The following STK32B variants were observed in gnomAD, a reference collection of about 807,000 sequenced individuals.
The protein encoded by STK32B is serine/threonine kinase 32B.
STK32B carries 43 observed loss-of-function variants against 52.6 expected under a neutral mutation model. The ratio of observed to expected loss-of-function variants is 0.82; its 90% CI spans 0.64 to 1.05. The LOEUF is 1.05. Ranked by LOEUF, STK32B falls within the 50% of genes least tolerant of loss-of-function variation. STK32B has a pLI of 0.00. For synonymous variants in STK32B, 238 were observed against 204.3 expected (o/e 1.17, Z -1.41); for missense variants, 621 against 534.6 (o/e 1.16, Z -1.59).
intron 1 of STK32B, among the ~76,000 whole-genome samples, chr4:5,074,556 G>A (rs571655397): frequency 7.3e-5 from 11 of 151,338 alleles, no homozygotes; most frequent in Non-Finnish European, 1.5e-4. Context: ...TACATATCTA[G>A]TATTTTTCTT....
At chr4:5,448,981 A>G (rs765018523) in intron 7 of STK32B, among the ~76,000 whole-genome samples, 1 of 152,176 alleles carries the variant, frequency 6.6e-6, no homozygotes, top group Non-Finnish European at 1.5e-5. Flanking sequence ...GGAATTCCTC[A>G]GTGATGTCAA....
chr4:5,462,366 G>A (rs1717099951), intron 9 of STK32B, among the ~76,000 whole-genome samples: 1 of 151,548 alleles, frequency 6.6e-6, no homozygotes, highest in Admixed American at 6.6e-5. Context: ...GTGCCTATAT[G>A]TCTGTGTGTG....
intron 7 of STK32B, among the ~76,000 whole-genome samples, chr4:5,448,260 T>A (rs762235079): frequency 6.6e-6 from 1 of 152,220 alleles, no homozygotes; most frequent in Non-Finnish European, 1.5e-5. Flanking sequence ...ATGAAAAGAA[T>A]TAATGTCCCG....
rs569702776 is a variant in STK32B, at chr4:5,363,650, C to G, written c.434+32257C>G. Among the ~76,000 whole-genome samples the G allele has an allele frequency of 2.6e-5, 4 of 152,304 alleles. No individual in the cohort carries two copies. In the East Asian group the frequency reaches 7.7e-4, roughly 29 times the overall value. On this transcript the variant is annotated intron_variant, in intron 4 of 11. Coordinates refer to ENST00000282908, the MANE Select transcript of STK32B (RefSeq NM_018401.3). ...GACTATGAAGATCAGCTGGAGCAAA[C>G]ATGCTCTAATCAGCCAAAGAATTAT...
chr4:5,481,274 T>C (rs1718682252), intron 11 of STK32B, among the ~76,000 whole-genome samples: 1 of 152,220 alleles, frequency 6.6e-6, no homozygotes, highest in Admixed American at 6.5e-5. Context: ...TGATTGCCAT[T>C]CTAACTGGTG....
chr4:5,333,833 A>G (rs922719073), intron 4 of STK32B, among the ~76,000 whole-genome samples: 1 of 152,124 alleles, frequency 6.6e-6, no homozygotes, highest in Non-Finnish European at 1.5e-5. Context: ...CCATTGATGT[A>G]TATCTCTCTT....
intron 3 of STK32B, among the ~76,000 whole-genome samples, chr4:5,299,723 T>C (rs1044967701): frequency 6.6e-6 from 1 of 152,206 alleles, no homozygotes; most frequent in African/African-American, 2.4e-5. Context: ...TTGTTCTTTT[T>C]GCTTAGGATT....
chr4:5,329,520 G>A (rs1438628326), intron 3 of STK32B, among the ~76,000 whole-genome samples: 6 of 152,124 alleles, frequency 3.9e-5, no homozygotes, highest in African/African-American at 1.4e-4. Flanking sequence ...ACCTGCTAGA[G>A]CACTGGCCTC....
At chr4:5,337,551 C>T (rs1460018420) in intron 4 of STK32B, among the ~76,000 whole-genome samples, 1 of 152,092 alleles carries the variant, frequency 6.6e-6, no homozygotes, top group African/African-American at 2.4e-5. Context: ...ATCAGTTGTG[C>T]CTCACATGTA....
At chr4:5,446,883 G>T (rs1255422262) in intron 7 of STK32B, 107 bp downstream of exon 7, 1 of 1,059,122 alleles carries the variant, frequency 9.4e-7, no homozygotes, top group Non-Finnish European at 1.4e-6. Flanking sequence ...AAGGAGCACT[G>T]GGGGAGTCAC....
intron 3 of STK32B, among the ~76,000 whole-genome samples, chr4:5,312,137 A>G (rs1042928321): frequency 3.3e-5 from 5 of 151,624 alleles, no homozygotes; most frequent in Admixed American, 1.3e-4. Context: ...ATTGTATACA[A>G]TTTTTTTCTT....
At chr4:5,283,223 A>G (rs1340674460) in intron 3 of STK32B, among the ~76,000 whole-genome samples, 1 of 152,138 alleles carries the variant, frequency 6.6e-6, no homozygotes, top group African/African-American at 2.4e-5. Flanking sequence ...CTCCAGAGTC[A>G]TTAATGTTGT....
intron 3 of STK32B, among the ~76,000 whole-genome samples, chr4:5,230,183 T>G (rs1284129798): frequency 6.4e-5 from 2 of 31,352 alleles, no homozygotes; most frequent in Non-Finnish European, 2.2e-4. Context: ...ATTCCCTTTT[T>G]TTTTTTTTTT....
chr4:5,448,410 A>G (rs1325225265), intron 7 of STK32B, among the ~76,000 whole-genome samples: 2 of 152,176 alleles, frequency 1.3e-5, no homozygotes, highest in Non-Finnish European at 2.9e-5. Flanking sequence ...TGTCGTAGGA[A>G]CCAGAACACA....
At chr4:5,158,818 T>C (rs573511268) in intron 2 of STK32B, among the ~76,000 whole-genome samples, 4 of 152,184 alleles carry the variant, frequency 2.6e-5, no homozygotes, top group Non-Finnish European at 4.4e-5. Context: ...CATACTGGAT[T>C]GGGGCCCACC....
chr4:5,476,630 A>G (rs925279208), intron 11 of STK32B, among the ~76,000 whole-genome samples: 4 of 152,022 alleles, frequency 2.6e-5, no homozygotes, highest in African/African-American at 9.7e-5. Context: ...CCTAAAGGAT[A>G]TGTTGGAGAC....
Position 5,416,863 on chromosome 4 carries a change from A to G in STK32B, c.491A>G (p.Asp164Gly). ...TTTGCAGGACATGTTCACATTACAGACTTCAACATAGCGACGGTAGTGAAA... is the reference window on the plus strand; with the variant it reads ...TTTGCAGGACATGTTCACATTACAGGCTTCAACATAGCGACGGTAGTGAAA... Reference protein sequence around the residue: ...LDEHGHVHITDFNIATVVKGA... With the variant: ...LDEHGHVHITGFNIATVVKGA... Residue 164 changes from aspartate (D) to glycine (G), a missense_variant, in exon 6 of 12, where the codon GAC becomes GGC. Asp to Gly is a moderately conservative substitution (Grantham distance 94). Coordinates refer to ENST00000282908, the MANE Select transcript of STK32B (RefSeq NM_018401.3). The G allele has an allele frequency of 6.2e-7, 1 of 1,613,890 alleles. No individual in the cohort carries two copies. Among genetic ancestry groups the G allele is most frequent in the Non-Finnish European group, 8.5e-7 (1 of 1,179,916 alleles).
intron 3 of STK32B, among the ~76,000 whole-genome samples, chr4:5,181,329 G>GACACACAT (rs777338742): frequency 2.5e-4 from 35 of 138,120 alleles, no homozygotes; most frequent in African/African-American, 6.9e-4. Flanking sequence ...TGGAGAGTGA[G>GACACACAT]ACACACACAC....
chr4:5,168,519 C>CTA (rs34514545), intron 3 of STK32B, 69 bp downstream of exon 3: 60,728 of 1,502,118 alleles, frequency 0.04, 2,081 homozygotes, highest in Admixed American at 0.2. Flanking sequence ...TTCGCCTCTG[C>CTA]TAGAGGGACT....
Sources: gnomAD v4.1 joint callset for allele counts (sites outside exome capture counted in the v4.1 genomes callset) on GRCh38, gnomAD v4.1.1 for gene constraint, MANE v1.5 for transcripts, NCBI Gene and HGNC (gene_info 2026-07-23, HGNC 2026-07-21) for gene names.